ARHGAP10: variants seen among roughly 807,000 people sequenced by gnomAD.
The protein encoded by ARHGAP10 is Rho GTPase activating protein 10.
A neutral mutation model predicts 108.6 loss-of-function variants in ARHGAP10; 87 were observed. The observed-to-expected ratio is 0.80, with a 90% CI of 0.67 to 0.96. The LOEUF is 0.96. Among genes scored for constraint, ARHGAP10 ranks in the 40% least tolerant of loss-of-function variants. ARHGAP10 has a pLI of 0.00. For missense variants in ARHGAP10, 939 were observed against 954.5 expected (o/e 0.98, Z 0.21); for synonymous variants, 347 against 341.1 (o/e 1.02, Z -0.19).
At chr4:147,785,024 T>C (rs1223611711) in intron 1 of ARHGAP10, among the ~76,000 whole-genome samples, 4 of 135,904 alleles carry the variant, frequency 2.9e-5, no homozygotes, top group African/African-American at 1.1e-4. Flanking sequence ...TTATAAAATA[T>C]ATGTAATATA....
At chr4:147,941,272 A>G (rs770729400) in intron 14 of ARHGAP10, among the ~76,000 whole-genome samples, 31 of 152,288 alleles carry the variant, frequency 2.0e-4, no homozygotes, top group African/African-American at 7.0e-4. Flanking sequence ...CTGTTCAAGG[A>G]AAGTTTGAAC....
At position 147,966,723 on chromosome 4, in the gene ARHGAP10, T is replaced by A. The variant is rs778410673; in HGVS notation, c.1600T>A (p.Leu534Ile). The change falls in exon 18 of 23, where the codon TTA (leucine) becomes ATA (isoleucine). Residue 534 changes from leucine to isoleucine, a missense_variant. By Grantham distance (5) the Leu-to-Ile change is conservative. Transcript: ENST00000336498. ...GCAGAACCTGATGACTGTGGCAAAC[T>A]TAGGAGTGGTGTTTGGACCAACTCT... ...SKQNLMTVAN[L>I]GVVFGPTLMR... 1 of 1,597,188 alleles carries A rather than the reference T, an allele frequency of 6.3e-7. No homozygotes were observed. Among genetic ancestry groups the A allele is most frequent in the Non-Finnish European group, 8.6e-7 (1 of 1,168,618 alleles).
rs1344722261 is a variant in ARHGAP10 at position 147,900,210 on chromosome 4, T to G, written c.1035-6428T>G. On this transcript the variant is annotated intron_variant, in intron 10 of 22. Transcript: ENST00000336498. Reference sequence around the variant, plus strand: ...ACAGATAATAGGCAGTTTCTTATGCTTGGGCTGAGGGTGGTGCCTGATTGG... The same window carrying G: ...ACAGATAATAGGCAGTTTCTTATGCGTGGGCTGAGGGTGGTGCCTGATTGG... 2.6e-5 allele frequency among the ~76,000 whole-genome samples: 4 copies of G among 152,322 alleles called. No individual in the cohort carries two copies. In the East Asian group the frequency reaches 7.7e-4, roughly 29 times the overall value.
intron 19 of ARHGAP10, among the ~76,000 whole-genome samples, chr4:148,030,825 GTA>G (rs1218790808): frequency 6.6e-6 from 1 of 151,520 alleles, no homozygotes; most frequent in African/African-American, 2.4e-5. Flanking sequence ...CTCCTAGGCT[GTA>G]TTAAGAAGCA....
chr4:147,839,124 C>CT (rs1375413139), intron 3 of ARHGAP10, among the ~76,000 whole-genome samples: 1 of 149,032 alleles, frequency 6.7e-6, no homozygotes, highest in Non-Finnish European at 1.5e-5. Flanking sequence ...ATCTATCTAT[C>CT]TATCTATCTA....
chr4:147,969,181 C>T (rs1371296979), intron 18 of ARHGAP10, among the ~76,000 whole-genome samples: 1 of 152,166 alleles, frequency 6.6e-6, no homozygotes, highest in Non-Finnish European at 1.5e-5. Context: ...GTACTTGTTG[C>T]ATTGGCTGTT....
intron 3 of ARHGAP10, among the ~76,000 whole-genome samples, chr4:147,828,860 C>A (rs549517789): frequency 1.4e-5 from 2 of 147,098 alleles, no homozygotes; most frequent in African/African-American, 5.0e-5. Context: ...ACATGCCTCA[C>A]CCTTTAAAAA....
At chr4:147,870,001 TGTGTGTGTGTGTG>T (rs1734743983) in intron 7 of ARHGAP10, among the ~76,000 whole-genome samples, 6 of 144,506 alleles carry the variant, frequency 4.2e-5, no homozygotes, top group South Asian at 2.3e-4. Context: ...TCCCAGTTTG[TGTGTGTGTGTGTG>T]TGTGTGTGTG....
At chr4:148,004,410 A>T (rs1740859295) in intron 18 of ARHGAP10, among the ~76,000 whole-genome samples, 1 of 152,154 alleles carries the variant, frequency 6.6e-6, no homozygotes, top group Admixed American at 6.5e-5. Flanking sequence ...ATTGTGGCAG[A>T]CTCACCCTAA....
chr4:147,868,775 C>T (rs1458936645), intron 7 of ARHGAP10, among the ~76,000 whole-genome samples: 2 of 152,224 alleles, frequency 1.3e-5, no homozygotes, highest in South Asian at 2.1e-4. Flanking sequence ...TCTAGATCCA[C>T]GTGCGCAGTT....
At chr4:147,878,395 C>T (rs1038941698) in intron 8 of ARHGAP10, among the ~76,000 whole-genome samples, 4 of 151,986 alleles carry the variant, frequency 2.6e-5, no homozygotes, top group African/African-American at 9.7e-5. Context: ...GCGCCTGGCC[C>T]ATACTTCATT....
chr4:147,781,406 G>A (rs761121254), intron 1 of ARHGAP10, among the ~76,000 whole-genome samples: 11 of 152,182 alleles, frequency 7.2e-5, no homozygotes, highest in Non-Finnish European at 1.6e-4. Context: ...AAGCCAGGAT[G>A]TAGGCTCACC....
intron 19 of ARHGAP10, among the ~76,000 whole-genome samples, chr4:148,039,733 A>C (rs1728550836): frequency 6.6e-6 from 1 of 151,986 alleles, no homozygotes. Context: ...GATATTATTA[A>C]ATGTTAAAAT....
chr4:148,017,678 ATATATG>A (rs1325327436), intron 18 of ARHGAP10, among the ~76,000 whole-genome samples: 2 of 115,324 alleles, frequency 1.7e-5, no homozygotes, highest in Non-Finnish European at 3.4e-5. Context: ...ATATATATAT[ATATATG>A]TGTGTGTATG....
intron 10 of ARHGAP10, among the ~76,000 whole-genome samples, chr4:147,885,504 G>A (rs1735509841): frequency 6.6e-6 from 1 of 152,194 alleles, no homozygotes; most frequent in African/African-American, 2.4e-5. Flanking sequence ...GATTATGGGA[G>A]CTACAATTCA....
intron 1 of ARHGAP10, among the ~76,000 whole-genome samples, chr4:147,806,145 T>G (rs1053835332): frequency 6.6e-6 from 1 of 152,100 alleles, no homozygotes; most frequent in Admixed American, 6.5e-5. Context: ...GCAGGGCAGA[T>G]TTGCAATGCT....
chr4:147,939,783 TGATA>T, intron 13 of ARHGAP10, 38 bp from the exon 14 acceptor site: 1 of 1,528,176 alleles, frequency 6.5e-7, no homozygotes, highest in South Asian at 1.1e-5. Context: ...TTTTAAAATA[TGATA>T]GTCTTCTATT....
chr4:147,957,801 A>G (rs1236084269), intron 16 of ARHGAP10, among the ~76,000 whole-genome samples: 1 of 152,182 alleles, frequency 6.6e-6, no homozygotes, highest in Non-Finnish European at 1.5e-5. Flanking sequence ...TCTAGGGTTC[A>G]TGATACAAAT....
chr4:147,935,507 A>G (rs1737887079), intron 13 of ARHGAP10, among the ~76,000 whole-genome samples: 1 of 152,240 alleles, frequency 6.6e-6, no homozygotes. Context: ...GGAAAGTGAC[A>G]GGGAAGAAGT....
Sources: allele counts gnomAD v4.1 joint callset (sites outside exome capture counted in the v4.1 genomes callset), GRCh38; gene constraint gnomAD v4.1.1; transcripts MANE v1.5; gene names NCBI Gene and HGNC (gene_info 2026-07-23, HGNC 2026-07-21).